Variants in EIF5B observed in about 807,000 individuals in gnomAD.
The protein encoded by EIF5B is eukaryotic translation initiation factor 5B, also known as eIF-5B.
In EIF5B, 47 loss-of-function variants were observed where a neutral mutation model predicts 147.5. The observed-to-expected ratio is 0.32, with a 90% CI of 0.25 to 0.41. The LOEUF is 0.41. Ranked by LOEUF, EIF5B falls within the 10% of genes least tolerant of loss-of-function variation. The probability of loss-of-function intolerance (pLI) is 1.00; values close to 1 mark genes in which losing one functional copy is unlikely to be tolerated. For missense variants in EIF5B, 1,064 were observed against 1,413.2 expected (o/e 0.75, Z 3.96); for synonymous variants, 455 against 456.2 (o/e 1.00, Z 0.03).
chr2:99,363,381 A>G (rs1231195394), intron 4 of EIF5B, among the ~76,000 whole-genome samples: 4 of 152,182 alleles, frequency 2.6e-5, no homozygotes, highest in Admixed American at 2.6e-4. Context: ...TGCTGCTGAC[A>G]GTATCCTTCT....
At position 99,361,840 on chromosome 2, in the gene EIF5B, G is replaced by GA; in HGVS notation, c.919+23dup. ...CAGAAGGTTGGTTAATACTTTAGAG[G>GA]AAAGAGCAAAAGGCTTTTGATTCAC... On this transcript the variant is annotated intron_variant, in intron 4 of 23. Transcript: ENST00000289371. The GA allele has an allele frequency of 6.7e-7, 1 of 1,501,852 alleles. No homozygotes were observed. The highest frequency in any genetic ancestry group is 8.8e-7 in the Non-Finnish European group (1 of 1,135,720). The allele number at this position is 1,501,852 out of a possible 1,614,324, so 93.0% of individuals were successfully genotyped here. A position where few individuals can be genotyped will look rare whatever the true frequency, so the allele number is the denominator to read the frequency against.
intron 1 of EIF5B, among the ~76,000 whole-genome samples, chr2:99,339,016 T>C (rs190652293): frequency 0.014 from 881 of 63,728 alleles, 11 homozygotes; most frequent in African/African-American, 0.033. Flanking sequence ...ATTTTTTTTT[T>C]TTTTTTGAGA....
At chr2:99,339,259 C>T (rs1454107244) in intron 1 of EIF5B, among the ~76,000 whole-genome samples, 2 of 151,680 alleles carry the variant, frequency 1.3e-5, no homozygotes, top group African/African-American at 2.4e-5. Context: ...GTGATCCGCC[C>T]GCCTCGGCCT....
chr2:99,350,106 C>T lies in EIF5B; in HGVS notation c.36-10130C>T, dbSNP rs149156703. Among the ~76,000 whole-genome samples the T allele has an allele frequency of 2.2e-4, 33 of 152,266 alleles. No individual in the cohort carries two copies. The East Asian group carries it at 5.6e-3, about 26-fold the overall frequency. ...TTACATCCAAGTTCATATGTGTTGT[C>T]ACAAAATGACAGGATTTCATTCTTT... On this transcript the variant is annotated intron_variant, in intron 1 of 23. Transcript: ENST00000289371.
At chr2:99,352,117 T>C (rs1246616720) in intron 1 of EIF5B, among the ~76,000 whole-genome samples, 3 of 152,214 alleles carry the variant, frequency 2.0e-5, no homozygotes, top group East Asian at 1.9e-4. Context: ...TAAAAAATTG[T>C]GTTGTTTCTT....
intron 10 of EIF5B, among the ~76,000 whole-genome samples, chr2:99,377,238 G>A (rs59178618): frequency 0.44 from 66,280 of 151,568 alleles, 14,751 homozygotes; most frequent in Admixed American, 0.57. Context: ...TCCTTTTTGT[G>A]TATTATTAAT....
chr2:99,376,975 A>G (rs924283179), intron 10 of EIF5B, among the ~76,000 whole-genome samples: 1 of 152,114 alleles, frequency 6.6e-6, no homozygotes, highest in Non-Finnish European at 1.5e-5. Flanking sequence ...TGTTTGCCTC[A>G]CATATTTAGG....
intron 1 of EIF5B, among the ~76,000 whole-genome samples, chr2:99,341,143 G>A (rs549680302): frequency 5.4e-4 from 82 of 152,228 alleles, no homozygotes; most frequent in African/African-American, 1.8e-3. Context: ...CAGTTGACTC[G>A]GGAAACTTGT....
In EIF5B at chr2:99,399,875, C is replaced by T. The variant is rs1675167542; in HGVS notation, c.*461C>T. Reference sequence around the variant, plus strand: ...TTCCCACAGTGATTTTTCCAGCATTCTTCTGCCATATGCCTTTAGGGCTTT... The same window carrying T: ...TTCCCACAGTGATTTTTCCAGCATTTTTCTGCCATATGCCTTTAGGGCTTT... On this transcript the variant is annotated 3_prime_UTR_variant, in exon 24 of 24. Coordinates refer to ENST00000289371, the MANE Select transcript of EIF5B (RefSeq NM_015904.4). 6.4e-6 allele frequency: 1 copy of T among 155,734 alleles called. No homozygotes were observed. The highest frequency in any genetic ancestry group is 6.3e-5 in the Admixed American group (1 of 15,942). The allele number at this position is 155,734 out of a possible 1,614,324, so 9.6% of individuals were successfully genotyped here.
intron 22 of EIF5B, chr2:99,398,446 G>C (rs1391702382): frequency 4.4e-6 from 1 of 227,276 alleles, no homozygotes; most frequent in Non-Finnish European, 8.7e-6. Context: ...CTCCTATTAC[G>C]GCACCTGTCA....
chr2:99,401,213 C>CA lies in EIF5B; in HGVS notation c.*1800dup, dbSNP rs1227553646. The CA allele has an allele frequency of 7.2e-7, 1 of 1,381,990 alleles. No individual in the cohort carries two copies. The highest frequency in any genetic ancestry group is 1.4e-5 in the African/African-American group (1 of 70,390). 85.6% of individuals were successfully genotyped at this position (1,381,990 alleles called of 1,614,324 possible). ...TCACAAGCACTTATGGCACAGCTAT[C>CA]AGAGAGCATCAGGCTCTCTGGTAAT... On this transcript the variant is annotated 3_prime_UTR_variant, in exon 24 of 24. Transcript: ENST00000289371.
chr2:99,360,258 G>A lies in EIF5B; in HGVS notation c.58G>A (p.Asp20Asn). 6.2e-7 allele frequency: 1 copy of A among 1,604,702 alleles called. No homozygotes were observed. Among genetic ancestry groups the A allele is most frequent in the Non-Finnish European group, 8.5e-7 (1 of 1,177,380 alleles). Residue 20 changes from aspartate (D) to asparagine (N), a missense_variant, in exon 2 of 24, where the codon GAT becomes AAT. Physicochemically the swap from Asp to Asn is conservative, Grantham distance 23. This residue lies in a region of EIF5B where 458 missense variants were observed against 451.3 expected (regional missense o/e 1.01). Coordinates refer to ENST00000289371, the MANE Select transcript of EIF5B (RefSeq NM_015904.4). ...EDSTKDDIDL[D>N]ALAAEIEGAG... The stretch of plus-strand genomic sequence containing the variant: ...AAGCACCAAGGATGACATTGATCTT[G>A]ATGCCTTGGCTGCAGAAATAGAAGG...
chr2:99,361,815 C>T lies in EIF5B; in HGVS notation c.914C>T (p.Ala305Val), dbSNP rs1674220685. 6.5e-7 allele frequency: 1 copy of T among 1,539,590 alleles called. No homozygotes were observed. The highest frequency in any genetic ancestry group is 1.4e-5 in the African/African-American group (1 of 71,484). Residue 305 changes from alanine (A) to valine (V), a missense_variant, in exon 4 of 24, where the codon GCA becomes GTA. Physicochemically the swap from Ala to Val is moderately conservative, Grantham distance 64. This residue lies in a region of EIF5B where 458 missense variants were observed against 451.3 expected (regional missense o/e 1.01). Coordinates refer to ENST00000289371, the MANE Select transcript of EIF5B (RefSeq NM_015904.4). ...SEEKAETPTAAEDDNEGDKKK... is the reference protein window; with the variant it reads ...SEEKAETPTAVEDDNEGDKKK... ...GAGAAAGCAGAGACTCCCACAGCTG[C>T]AGAAGGTTGGTTAATACTTTAGAGG... is the stretch of plus-strand genomic sequence containing the variant.
chr2:99,399,261 CGTTT>C (rs768276587), intron 23 of EIF5B, 42 bp from the exon 24 acceptor site: 19 of 1,577,142 alleles, frequency 1.2e-5, no homozygotes, highest in South Asian at 7.8e-5. Flanking sequence ...TTCTTTGGCA[CGTTT>C]GTTATGTTCT....
In EIF5B at chr2:99,401,266, T is replaced by C. The variant is rs767710888; in HGVS notation, c.*1852T>C. The C allele has an allele frequency of 5.6e-6, 9 of 1,611,460 alleles. No individual in the cohort carries two copies. Among genetic ancestry groups the C allele is most frequent in the Non-Finnish European group, 6.8e-6 (8 of 1,177,742 alleles). The stretch of plus-strand genomic sequence containing the variant: ...TTATGTAACTTTTAATGTGCTTCCA[T>C]AAGTTTGTTGTAAAACCACCTGGAC... On this transcript the variant is annotated 3_prime_UTR_variant, in exon 24 of 24. Coordinates refer to ENST00000289371, the MANE Select transcript of EIF5B (RefSeq NM_015904.4).
At chr2:99,347,642 A>G (rs955494790) in intron 1 of EIF5B, among the ~76,000 whole-genome samples, 4 of 152,096 alleles carry the variant, frequency 2.6e-5, no homozygotes, top group East Asian at 3.9e-4. Context: ...GCCTCTTACA[A>G]TGGATTTCTT....
Position 99,399,542 on chromosome 2 carries a change from T to G in EIF5B, c.*128T>G. On this transcript the variant is annotated 3_prime_UTR_variant, in exon 24 of 24. Transcript: ENST00000289371. ...GACTTAAGTATGGAAGGAAGAAAAA[T>G]AGGTGTATAAAATGTTTTCCATGAG... is the stretch of plus-strand genomic sequence containing the variant. 1.3e-6 allele frequency: 1 copy of G among 796,246 alleles called. No individual in the cohort carries two copies. The highest frequency in any genetic ancestry group is 2.0e-6 in the Non-Finnish European group (1 of 502,232). 49.3% of individuals were successfully genotyped at this position (796,246 alleles called of 1,614,324 possible).
At chr2:99,395,395 A>G (rs1412108406) in intron 21 of EIF5B, among the ~76,000 whole-genome samples, 2 of 152,210 alleles carry the variant, frequency 1.3e-5, no homozygotes, top group African/African-American at 4.8e-5. Context: ...GTACAGTGGC[A>G]TGATCATGGG....
Position 99,369,451 on chromosome 2 carries a change from A to G in EIF5B, c.1447A>G (p.Lys483Glu). 6.2e-7 allele frequency: 1 copy of G among 1,610,656 alleles called. No homozygotes were observed. The highest frequency in any genetic ancestry group is 8.5e-7 in the Non-Finnish European group (1 of 1,177,600). Residue 483 changes from lysine (K) to glutamate (E), a missense_variant, in exon 8 of 24, where the codon AAG becomes GAG. Physicochemically the swap from Lys to Glu is moderately conservative, Grantham distance 56 (BLOSUM62 1). This residue lies in a region of EIF5B where 195 missense variants were observed against 186.3 expected (regional missense o/e 1.05). Coordinates refer to ENST00000289371, the MANE Select transcript of EIF5B (RefSeq NM_015904.4). ...AGTTATGGAACAAGGAGTACCAGAAAAGGAAGAGACACCACCTCCTGTTGA... is the reference window on the plus strand; with the variant it reads ...AGTTATGGAACAAGGAGTACCAGAAGAGGAAGAGACACCACCTCCTGTTGA... ...VEVMEQGVPE[K>E]EETPPPVEPE...
Sources: gnomAD v4.1 joint callset for allele counts (sites outside exome capture counted in the v4.1 genomes callset) on GRCh38, gnomAD v4.1.1 for gene constraint, gnomAD v4.1.1 regional missense constraint, MANE v1.5 for transcripts, NCBI Gene and HGNC (gene_info 2026-07-23, HGNC 2026-07-21) for gene names.